The following SEZ6L2 variants were observed in gnomAD, a reference collection of about 807,000 sequenced individuals.
The protein encoded by SEZ6L2 is seizure related 6 homolog like 2, also known as seizure 6-like protein 2.
SEZ6L2 carries 44 observed loss-of-function variants against 97.0 expected under a neutral mutation model. That is an observed-to-expected ratio of 0.45 (90% CI 0.36 to 0.58). The LOEUF (loss-of-function observed/expected upper bound fraction) is 0.58, where lower values mean the gene tolerates loss of function less well. Ranked by LOEUF, SEZ6L2 falls within the 20% of genes least tolerant of loss-of-function variation. SEZ6L2 has a pLI of 0.00. For missense variants in SEZ6L2, 1,086 were observed against 1,233.3 expected, an observed-to-expected ratio of 0.88 and a Z score of 1.79; for synonymous variants, 543 against 546.1, an observed-to-expected ratio of 0.99 and a Z score of 0.08.
intron 3 of SEZ6L2, among the ~76,000 whole-genome samples, chr16:29,896,257 C>T (rs1249898290): frequency 6.6e-6 from 1 of 151,358 alleles, no homozygotes; most frequent in South Asian, 2.1e-4. Context: ...CGCTGCTGTG[C>T]CCCCCTCACC....
At chr16:29,880,883 T>C (rs1454348878) in intron 8 of SEZ6L2, among the ~76,000 whole-genome samples, 1 of 151,672 alleles carries the variant, frequency 6.6e-6, no homozygotes, top group Non-Finnish European at 1.5e-5. Context: ...CACCTCAGCC[T>C]CTCTGGTAGC....
intron 6 of SEZ6L2, 29 bp from the exon 7 acceptor site, chr16:29,887,846 C>T (rs1426599156): frequency 6.2e-7 from 1 of 1,610,988 alleles, no homozygotes; most frequent in Non-Finnish European, 8.5e-7. Flanking sequence ...TACGTTAAGG[C>T]CAGCCTGAGG....
At chr16:29,874,883 C>A (rs115651970) in intron 12 of SEZ6L2, among the ~76,000 whole-genome samples, 3 of 151,256 alleles carry the variant, frequency 2.0e-5, no homozygotes, top group Non-Finnish European at 4.4e-5. Flanking sequence ...AAATATAATT[C>A]TTTGTTTTGG....
intron 8 of SEZ6L2, among the ~76,000 whole-genome samples, chr16:29,884,268 T>C (rs148185999): frequency 2.6e-5 from 4 of 152,144 alleles, no homozygotes; most frequent in South Asian, 2.1e-4. Context: ...TCAGGAAATA[T>C]ATGAGTGTTC....
At chr16:29,887,138 G>A (rs1448618606) in intron 7 of SEZ6L2, among the ~76,000 whole-genome samples, 4 of 148,042 alleles carry the variant, frequency 2.7e-5, no homozygotes, top group African/African-American at 1.0e-4. Flanking sequence ...CCAAGACTGC[G>A]GCACTGCACT....
chr16:29,877,581 CCA>C, intron 10 of SEZ6L2, 114 bp from the exon 11 acceptor site: 1 of 958,874 alleles, frequency 1.0e-6, no homozygotes, highest in South Asian at 1.8e-5. Context: ...CCAGCCCCGC[CCA>C]TATTCTCCTA....
chr16:29,878,581 T>C (rs1004947033), intron 9 of SEZ6L2, among the ~76,000 whole-genome samples, 156 bp from the exon 10 acceptor site: 7 of 151,770 alleles, frequency 4.6e-5, no homozygotes, highest in Non-Finnish European at 8.8e-5. Context: ...ATTTTATTTA[T>C]TTATTTATTT....
Position 29,899,096 on chromosome 16 carries a change from C to G in SEZ6L2, c.-77G>C. ...CCACCTTTCCTCCGTCTCCGTTTAT[C>G]TTTCCCTTTAATTGTTTTTTTTTTT... On this transcript the variant is annotated 5_prime_UTR_variant, in exon 1 of 18. Coordinates refer to ENST00000617533, the MANE Select transcript of SEZ6L2 (RefSeq NM_001243332.2). 1.4e-6 allele frequency: 1 copy of G among 727,328 alleles called. No individual in the cohort carries two copies. Among genetic ancestry groups the G allele is most frequent in the Non-Finnish European group, 2.2e-6 (1 of 448,182 alleles). 45.1% of individuals were successfully genotyped at this position (727,328 alleles called of 1,614,324 possible).
chr16:29,888,424 A>G, intron 6 of SEZ6L2, 116 bp downstream of exon 6: 1 of 1,105,704 alleles, frequency 9.0e-7, no homozygotes, highest in Non-Finnish European at 1.3e-6. Flanking sequence ...CCTCAGGGTA[A>G]ACACCCCTTC....
chr16:29,871,692 T>C lies in SEZ6L2; in HGVS notation c.*7A>G. On this transcript the variant is annotated 3_prime_UTR_variant, in exon 18 of 18. Coordinates refer to ENST00000617533, the MANE Select transcript of SEZ6L2 (RefSeq NM_001243332.2). ...CGTCCTGGGTCCTGCAGCTGTAGTC[T>C]TGGGGTTCAGATGGAAACTTCATAC... 1 of 1,608,724 alleles carries C rather than the reference T, an allele frequency of 6.2e-7. No individual in the cohort carries two copies. The highest frequency in any genetic ancestry group is 8.5e-7 in the Non-Finnish European group (1 of 1,177,512).
chr16:29,898,021 C>T, intron 1 of SEZ6L2, 37 bp from the exon 2 acceptor site: 1 of 1,610,188 alleles, frequency 6.2e-7, no homozygotes, highest in African/African-American at 1.3e-5. Context: ...TCCACTTCCC[C>T]ACACCCCTTC....
chr16:29,881,038 T>C (rs2068019254), intron 8 of SEZ6L2, among the ~76,000 whole-genome samples: 1 of 151,954 alleles, frequency 6.6e-6, no homozygotes, highest in Non-Finnish European at 1.5e-5. Context: ...CCTCCCAAAG[T>C]GCTGGGATTA....
chr16:29,897,431 C>T (rs1336607056), intron 2 of SEZ6L2, among the ~76,000 whole-genome samples: 1 of 151,800 alleles, frequency 6.6e-6, no homozygotes, highest in Admixed American at 6.6e-5. Flanking sequence ...TGGTTATCTC[C>T]TCTCTCCTCT....
Position 29,876,615 on chromosome 16 carries a change from G to T in SEZ6L2, c.2104+141C>A. On this transcript the variant is annotated intron_variant, in intron 12 of 17. Coordinates refer to ENST00000617533, the MANE Select transcript of SEZ6L2 (RefSeq NM_001243332.2). This position sits in a 1 kb window ranked among gnomAD's most constrained non-coding sequence, Gnocchi z 6.5. ...GGAGTGAGAACTAAAGGGCATGGGG[G>T]CAGGCCTTGAAGAAGATCCAGGAAG... 2 of 735,510 alleles carry T rather than the reference G, an allele frequency of 2.7e-6. No homozygotes were observed. The highest frequency in any genetic ancestry group is 4.3e-6 in the Non-Finnish European group (2 of 463,450). The allele number at this position is 735,510 out of a possible 1,614,324, so 45.6% of individuals were successfully genotyped here.
intron 5 of SEZ6L2, among the ~76,000 whole-genome samples, chr16:29,891,193 G>A (rs908435801): frequency 1.3e-5 from 2 of 152,046 alleles, no homozygotes; most frequent in Admixed American, 6.6e-5. Flanking sequence ...GCCCGCCTCG[G>A]CCTCCCAAAG....
intron 8 of SEZ6L2, among the ~76,000 whole-genome samples, chr16:29,884,366 C>T (rs539346555): frequency 4.0e-5 from 6 of 151,770 alleles, no homozygotes; most frequent in Admixed American, 2.0e-4. Context: ...CCCACATGGG[C>T]GAATCACTTG....
rs928791186 is a variant in SEZ6L2 at position 29,871,682 on chromosome 16, A to C, written c.*17T>G. On this transcript the variant is annotated 3_prime_UTR_variant, in exon 18 of 18. Coordinates refer to ENST00000617533, the MANE Select transcript of SEZ6L2 (RefSeq NM_001243332.2). ...AGGGGAGGGGCGTCCTGGGTCCTGC[A>C]GCTGTAGTCTTGGGGTTCAGATGGA... 4 of 1,607,358 alleles carry C rather than the reference A, an allele frequency of 2.5e-6. No individual in the cohort carries two copies. The highest frequency in any genetic ancestry group is 3.4e-6 in the Non-Finnish European group (4 of 1,176,762).
chr16:29,894,357 G>A (rs956273958), intron 5 of SEZ6L2, among the ~76,000 whole-genome samples: 3 of 152,192 alleles, frequency 2.0e-5, no homozygotes, highest in East Asian at 1.9e-4. Flanking sequence ...TGGGGGTCAC[G>A]TCTTCTCTCT....
chr16:29,876,853 G>A lies in SEZ6L2; in HGVS notation c.2007C>T (p.Thr669=). ...HGDLIRGTVL[T]YQCEPGYELL... is the part of the protein sequence containing the mutation. ...GCTCGTAGCCAGGCTCGCACTGGTAGGTGAGCACCGTGCCCCGGATCAGGT... is the reference window on the plus strand; with the variant it reads ...GCTCGTAGCCAGGCTCGCACTGGTAAGTGAGCACCGTGCCCCGGATCAGGT... Residue 669 remains threonine (T), a synonymous_variant, in exon 12 of 18, where the codon ACC becomes ACT. Transcript: ENST00000617533. The surrounding 1 kb of genome is among the most constrained non-coding windows in gnomAD (Gnocchi z 6.5). The A allele has an allele frequency of 6.2e-7, 1 of 1,613,234 alleles. No individual in the cohort carries two copies. Among genetic ancestry groups the A allele is most frequent in the Non-Finnish European group, 8.5e-7 (1 of 1,179,700 alleles).
Sources: gnomAD v4.1 joint callset for allele counts (sites outside exome capture counted in the v4.1 genomes callset) on GRCh38, gnomAD v4.1.1 for gene constraint, Gnocchi (gnomAD v3.1) non-coding constraint, MANE v1.5 for transcripts, NCBI Gene and HGNC (gene_info 2026-07-23, HGNC 2026-07-21) for gene names.